The following EFNA5 variants were observed in gnomAD, a reference collection of about 807,000 sequenced individuals.
The protein encoded by EFNA5 is ephrin A5.
A neutral mutation model predicts 22.9 loss-of-function variants in EFNA5; 5 were observed. The observed-to-expected ratio is 0.22, with a 90% CI of 0.11 to 0.46. EFNA5 has a LOEUF of 0.46. Ranked by LOEUF, EFNA5 falls within the 20% of genes least tolerant of loss-of-function variation. The pLI, the probability that EFNA5 is intolerant of heterozygous loss-of-function variation, is 0.99. For synonymous variants in EFNA5, 113 were observed against 112.2 expected (o/e 1.01, Z -0.04); for missense variants, 237 against 293.3 (o/e 0.81, Z 1.40).
intron 1 of EFNA5, among the ~76,000 whole-genome samples, chr5:107,512,786 G>A (rs35707506): frequency 6.6e-6 from 1 of 151,702 alleles, no homozygotes. Flanking sequence ...TTATACCTCA[G>A]GTAGTTCATT....
intron 4 of EFNA5, among the ~76,000 whole-genome samples, chr5:107,384,790 T>A (rs1747568403): frequency 7.0e-6 from 1 of 142,660 alleles, no homozygotes; most frequent in South Asian, 2.2e-4. Context: ...TTTTTTTTTT[T>A]TTTGGTAAAG....
chr5:107,555,682 T>C (rs1237305835), intron 1 of EFNA5, among the ~76,000 whole-genome samples: 5 of 152,360 alleles, frequency 3.3e-5, no homozygotes, highest in Middle Eastern at 3.4e-3. Flanking sequence ...TCTATAATCG[T>C]AGTGTATATA....
chr5:107,527,735 C>T (rs1200347837), intron 1 of EFNA5, among the ~76,000 whole-genome samples: 5 of 152,078 alleles, frequency 3.3e-5, no homozygotes, highest in Non-Finnish European at 7.4e-5. Context: ...ATTTCAGATG[C>T]CCAACACCCA....
chr5:107,664,865 C>T (rs985221226), intron 1 of EFNA5, among the ~76,000 whole-genome samples: 4 of 152,078 alleles, frequency 2.6e-5, no homozygotes, highest in Admixed American at 6.6e-5. Context: ...AATATAGAAT[C>T]GTCAACACAG....
chr5:107,409,582 C>A (rs1185602497), intron 2 of EFNA5, among the ~76,000 whole-genome samples: 1 of 152,134 alleles, frequency 6.6e-6, no homozygotes, highest in Non-Finnish European at 1.5e-5. Context: ...CCTTCTATAG[C>A]CCCCAGCTTA....
intron 1 of EFNA5, among the ~76,000 whole-genome samples, chr5:107,607,769 A>G (rs898487501): frequency 2.0e-5 from 3 of 152,134 alleles, no homozygotes; most frequent in Non-Finnish European, 2.9e-5. Flanking sequence ...GGAAAGCAAA[A>G]AACAAATAAA....
intron 4 of EFNA5, among the ~76,000 whole-genome samples, 179 bp from the exon 5 acceptor site, chr5:107,381,555 A>G (rs916580277): frequency 6.6e-6 from 1 of 152,238 alleles, no homozygotes; most frequent in African/African-American, 2.4e-5. Flanking sequence ...AAGAAGAGGC[A>G]AAGAAAATTG....
intron 1 of EFNA5, among the ~76,000 whole-genome samples, chr5:107,585,429 G>T (rs1452508213): frequency 6.6e-6 from 1 of 152,168 alleles, no homozygotes; most frequent in East Asian, 1.9e-4. Flanking sequence ...AAGCAGTTTG[G>T]GGATCTGGAA....
intron 1 of EFNA5, among the ~76,000 whole-genome samples, chr5:107,493,298 C>A (rs1342414918): frequency 6.6e-6 from 1 of 151,850 alleles, no homozygotes; most frequent in Non-Finnish European, 1.5e-5. Flanking sequence ...CTCCCTTCAG[C>A]CAACCCCTAA....
chr5:107,581,914 A>T (rs1749081708), intron 1 of EFNA5, among the ~76,000 whole-genome samples: 1 of 152,356 alleles, frequency 6.6e-6, no homozygotes, highest in South Asian at 2.1e-4. Context: ...TTCTTCTTAT[A>T]TGACCAACAT....
chr5:107,498,467 C>A (rs1411269682), intron 1 of EFNA5, among the ~76,000 whole-genome samples: 1 of 152,184 alleles, frequency 6.6e-6, no homozygotes, highest in African/African-American at 2.4e-5. Context: ...ACTTTCTACT[C>A]CCCTGGAGCT....
chr5:107,618,686 T>C lies in EFNA5; in HGVS notation c.125+51803A>G, dbSNP rs141786186. 1.1e-3 allele frequency among the ~76,000 whole-genome samples: 166 copies of C among 152,278 alleles called. 3 individuals are homozygous for C. The East Asian group carries it at 0.029, about 26-fold the overall frequency. On this transcript the variant is annotated intron_variant, in intron 1 of 4. Transcript: ENST00000333274. ...TGTCTGCTATTTTGGAGAAAACTTA[T>C]ACAAAACAAGAGGAAATCTATGACA...
intron 1 of EFNA5, among the ~76,000 whole-genome samples, chr5:107,626,816 A>G (rs1292385414): frequency 1.3e-5 from 2 of 152,154 alleles, no homozygotes; most frequent in Non-Finnish European, 2.9e-5. Context: ...AGTGAAAAGT[A>G]TTTCTTTCTT....
chr5:107,497,412 G>C (rs1005213334), intron 1 of EFNA5, among the ~76,000 whole-genome samples: 2 of 152,168 alleles, frequency 1.3e-5, no homozygotes, highest in African/African-American at 4.8e-5. Flanking sequence ...AATAATACTG[G>C]AGAAATAATA....
chr5:107,396,990 A>G (rs188360305), intron 2 of EFNA5, among the ~76,000 whole-genome samples: 18 of 152,268 alleles, frequency 1.2e-4, no homozygotes, highest in African/African-American at 4.1e-4. Flanking sequence ...CACTAAAGGA[A>G]ACCAGCCCAG....
At chr5:107,651,727 T>C (rs535802477) in intron 1 of EFNA5, among the ~76,000 whole-genome samples, 111 of 152,068 alleles carry the variant, frequency 7.3e-4, no homozygotes, top group African/African-American at 2.5e-3. Flanking sequence ...GGGAAACAAT[T>C]CAGATATAAT....
At chr5:107,606,750 C>A (rs1397812627) in intron 1 of EFNA5, among the ~76,000 whole-genome samples, 1 of 152,112 alleles carries the variant, frequency 6.6e-6, no homozygotes, top group Non-Finnish European at 1.5e-5. Context: ...AGTAGGCGCT[C>A]TATAAATATT....
chr5:107,471,919 A>G (rs1016997463), intron 1 of EFNA5, among the ~76,000 whole-genome samples: 5 of 152,318 alleles, frequency 3.3e-5, no homozygotes, highest in South Asian at 2.1e-4. Flanking sequence ...AGATTTATCT[A>G]TTGTTTCTTT....
intron 1 of EFNA5, among the ~76,000 whole-genome samples, chr5:107,479,124 T>G (rs1750386264): frequency 6.6e-6 from 1 of 152,164 alleles, no homozygotes; most frequent in South Asian, 2.1e-4. Flanking sequence ...ATTACTTTAG[T>G]TTGTAGAGAT....
Sources: allele counts gnomAD v4.1 joint callset (sites outside exome capture counted in the v4.1 genomes callset), GRCh38; gene constraint gnomAD v4.1.1; transcripts MANE v1.5; gene names NCBI Gene and HGNC (gene_info 2026-07-23, HGNC 2026-07-21).